Variants in CADM2 observed in about 807,000 individuals in gnomAD.
CADM2 encodes cell adhesion molecule 2.
A neutral mutation model predicts 49.8 loss-of-function variants in CADM2; 12 were observed. The ratio of observed to expected loss-of-function variants is 0.24; its 90% CI spans 0.15 to 0.39. The LOEUF is 0.39. CADM2 is among the 10% of genes least tolerant of loss of function. The probability of loss-of-function intolerance (pLI) is 1.00; values close to 1 mark genes in which losing one functional copy is unlikely to be tolerated. For missense variants in CADM2, 378 were observed against 492.3 expected, an observed-to-expected ratio of 0.77 and a Z score of 2.20; for synonymous variants, 214 against 175.4, an observed-to-expected ratio of 1.22 and a Z score of -1.74.
At chr3:85,064,704 T>C (rs2036461130) in intron 1 of CADM2, among the ~76,000 whole-genome samples, 1 of 152,140 alleles carries the variant, frequency 6.6e-6, no homozygotes, top group Non-Finnish European at 1.5e-5. Context: ...TTAGACATAC[T>C]GGCAATATTT....
At chr3:85,316,130 T>C (rs2044459165) in intron 1 of CADM2, among the ~76,000 whole-genome samples, 1 of 152,180 alleles carries the variant, frequency 6.6e-6, no homozygotes, top group Admixed American at 6.5e-5. Flanking sequence ...TGAATCATAT[T>C]TGTATCTCTC....
chr3:85,974,634 T>C (rs1348993365), intron 8 of CADM2, among the ~76,000 whole-genome samples: 2 of 151,690 alleles, frequency 1.3e-5, no homozygotes, highest in African/African-American at 4.8e-5. Flanking sequence ...TTTAGTTTCC[T>C]GATTTGGCAA....
chr3:85,959,542 C>T (rs1181028577), intron 7 of CADM2, among the ~76,000 whole-genome samples: 1 of 151,852 alleles, frequency 6.6e-6, no homozygotes, highest in African/African-American at 2.4e-5. Flanking sequence ...GCAAAAGATT[C>T]TCCTATCATG....
chr3:85,659,760 T>C (rs1254247525), intron 1 of CADM2, among the ~76,000 whole-genome samples: 1 of 152,130 alleles, frequency 6.6e-6, no homozygotes, highest in East Asian at 1.9e-4. Context: ...CAGATTATGG[T>C]TAAGTACACA....
At chr3:85,227,330 TG>T (rs1246815126) in intron 1 of CADM2, among the ~76,000 whole-genome samples, 1 of 152,158 alleles carries the variant, frequency 6.6e-6, no homozygotes, top group African/African-American at 2.4e-5. Context: ...CATATATATT[TG>T]AGACAGTTAG....
At chr3:85,280,377 A>C (rs565123219) in intron 1 of CADM2, among the ~76,000 whole-genome samples, 1 of 150,178 alleles carries the variant, frequency 6.7e-6, no homozygotes, top group African/African-American at 2.4e-5. Context: ...CTGTCATTCT[A>C]CTCTCCTTTG....
chr3:85,088,666 A>G (rs2037476725), intron 1 of CADM2, among the ~76,000 whole-genome samples: 1 of 152,140 alleles, frequency 6.6e-6, no homozygotes, highest in Admixed American at 6.5e-5. Flanking sequence ...ATTATAGCTA[A>G]GGTTCACATT....
chr3:85,231,634 T>G (rs966500139), intron 1 of CADM2, among the ~76,000 whole-genome samples: 1 of 151,516 alleles, frequency 6.6e-6, no homozygotes, highest in African/African-American at 2.4e-5. Flanking sequence ...GATGGATAGT[T>G]TTTGTTACTT....
intron 1 of CADM2, among the ~76,000 whole-genome samples, chr3:84,995,962 C>G (rs1443753568): frequency 6.6e-6 from 1 of 152,092 alleles, no homozygotes; most frequent in South Asian, 2.1e-4. Context: ...GGGAATCCAG[C>G]AAACTGATAA....
At chr3:85,385,343 G>T (rs2034160822) in intron 1 of CADM2, among the ~76,000 whole-genome samples, 1 of 152,180 alleles carries the variant, frequency 6.6e-6, no homozygotes, top group African/African-American at 2.4e-5. Flanking sequence ...TATGTTGTTT[G>T]GGAGGAGAGT....
chr3:86,026,967 A>T (rs528703397), intron 8 of CADM2, among the ~76,000 whole-genome samples: 18 of 152,310 alleles, frequency 1.2e-4, no homozygotes, highest in Non-Finnish European at 2.2e-4. Flanking sequence ...AATGCCTTTC[A>T]AAAGGAGAAA....
chr3:85,882,927 AT>A (rs10712954), intron 3 of CADM2, among the ~76,000 whole-genome samples: 5,487 of 152,264 alleles, frequency 0.036, 324 homozygotes, highest in African/African-American at 0.12. Context: ...TTATCTGTCC[AT>A]AGAAGTGAAC....
At chr3:86,014,869 A>C in intron 8 of CADM2, 1 of 1,541,616 alleles carries the variant, frequency 6.5e-7, no homozygotes, top group Non-Finnish European at 8.8e-7. Context: ...CCTAATGTGT[A>C]TGCATTGATG....
chr3:85,729,846 T>C (rs1159704525), intron 2 of CADM2, among the ~76,000 whole-genome samples: 7 of 152,194 alleles, frequency 4.6e-5, no homozygotes, highest in Admixed American at 6.5e-5. Context: ...ATTGACTTTG[T>C]TACACTTTTC....
At chr3:85,491,052 T>C (rs1250250750) in intron 1 of CADM2, among the ~76,000 whole-genome samples, 3 of 152,214 alleles carry the variant, frequency 2.0e-5, no homozygotes, top group Admixed American at 6.5e-5. Flanking sequence ...TTTGTCATGT[T>C]AAGTCAAAGC....
intron 1 of CADM2, among the ~76,000 whole-genome samples, chr3:85,295,236 A>G (rs1276002105): frequency 6.6e-6 from 1 of 152,132 alleles, no homozygotes; most frequent in Non-Finnish European, 1.5e-5. Flanking sequence ...CAAAACCACA[A>G]TGAGATACCA....
chr3:86,064,051 A>G (rs1040452694), intron 8 of CADM2, among the ~76,000 whole-genome samples: 1 of 150,266 alleles, frequency 6.7e-6, no homozygotes, highest in African/African-American at 2.5e-5. Context: ...TTTTTAATAT[A>G]TATATATACA....
chr3:85,232,376 C>A (rs1051419470), intron 1 of CADM2, among the ~76,000 whole-genome samples: 2 of 151,902 alleles, frequency 1.3e-5, no homozygotes, highest in Admixed American at 6.6e-5. Flanking sequence ...AATATACATA[C>A]CTCTTTAAAA....
chr3:85,934,701 T>A (rs1252493938), intron 6 of CADM2, among the ~76,000 whole-genome samples: 1 of 152,066 alleles, frequency 6.6e-6, no homozygotes, highest in Non-Finnish European at 1.5e-5. Context: ...CTAAATAATA[T>A]TTTCCTTAGA....
Sources: allele counts gnomAD v4.1 joint callset (sites outside exome capture counted in the v4.1 genomes callset), GRCh38; gene constraint gnomAD v4.1.1; transcripts MANE v1.5; gene names NCBI Gene and HGNC (gene_info 2026-07-23, HGNC 2026-07-21).